Variants in SPATA17 observed in about 807,000 individuals in gnomAD.
SPATA17 encodes the protein spermatogenesis-associated protein 17.
SPATA17 carries 53 observed loss-of-function variants against 62.2 expected under a neutral mutation model. That is an observed-to-expected ratio of 0.85 (90% CI 0.68 to 1.07). The LOEUF (loss-of-function observed/expected upper bound fraction) is 1.07, where lower values mean the gene tolerates loss of function less well. Ranked by LOEUF, SPATA17 falls within the 50% of genes least tolerant of loss-of-function variation. The pLI is 0.00. For missense variants in SPATA17, 466 were observed against 425.5 expected (o/e 1.10, Z -0.84); for synonymous variants, 146 against 146.8 (o/e 0.99, Z 0.04).
intron 3 of SPATA17, among the ~76,000 whole-genome samples, chr1:217,668,427 A>T (rs1178899929): frequency 1.3e-5 from 2 of 152,192 alleles, no homozygotes; most frequent in Non-Finnish European, 2.9e-5. Context: ...TTGCTGTAAC[A>T]TGATATCATT....
chr1:217,707,182 T>C (rs1671756787), intron 5 of SPATA17, among the ~76,000 whole-genome samples: 1 of 152,178 alleles, frequency 6.6e-6, no homozygotes, highest in African/African-American at 2.4e-5. Flanking sequence ...TCATTGTTTT[T>C]GTGGCTATTG....
chr1:217,669,225 T>C, intron 4 of SPATA17, 142 bp downstream of exon 4: 1 of 671,758 alleles, frequency 1.5e-6, no homozygotes, highest in South Asian at 2.1e-5. Context: ...GTTAAAAAGT[T>C]AGTTATGCTA....
chr1:217,778,559 A>G (rs1673654670), intron 7 of SPATA17, among the ~76,000 whole-genome samples: 1 of 152,078 alleles, frequency 6.6e-6, no homozygotes, highest in South Asian at 2.1e-4. Flanking sequence ...TGCATGCTAT[A>G]TTCATTTGTA....
At chr1:217,824,110 A>G (rs1299484151) in intron 9 of SPATA17, among the ~76,000 whole-genome samples, 3 of 151,970 alleles carry the variant, frequency 2.0e-5, no homozygotes, top group Admixed American at 1.3e-4. Context: ...TAATCCATTT[A>G]CAGTCAAGGT....
Position 217,668,967 on chromosome 1 carries a change from G to A in SPATA17, c.241-66G>A, listed in dbSNP as rs570582591. On this transcript the variant is annotated intron_variant, in intron 3 of 10. Transcript: ENST00000366933. Reference sequence around the variant, plus strand: ...GTATAAAGATTCTTATCTTTTATATGTAAAAATAGGCTGCACTGTCTTTGT... The same window carrying A: ...GTATAAAGATTCTTATCTTTTATATATAAAAATAGGCTGCACTGTCTTTGT... The A allele has an allele frequency of 3.5e-4, 471 of 1,330,356 alleles. 2 individuals are homozygous for A. In the African/African-American group the frequency reaches 4.9e-3, roughly 14 times the overall value. 82.4% of individuals were successfully genotyped at this position (1,330,356 alleles called of 1,614,324 possible).
intron 1 of SPATA17, among the ~76,000 whole-genome samples, chr1:217,645,321 T>A (rs1315754265): frequency 6.6e-6 from 1 of 152,166 alleles, no homozygotes; most frequent in Non-Finnish European, 1.5e-5. Flanking sequence ...TTAATTTGAT[T>A]GCTTCTCTTC....
At chr1:217,828,473 C>G (rs564325456) in intron 9 of SPATA17, among the ~76,000 whole-genome samples, 1 of 150,526 alleles carries the variant, frequency 6.6e-6, no homozygotes, top group African/African-American at 2.4e-5. Flanking sequence ...TATACAAATC[C>G]TAGAAGAGGA....
At chr1:217,747,281 A>G (rs1672782737) in intron 6 of SPATA17, among the ~76,000 whole-genome samples, 1 of 152,134 alleles carries the variant, frequency 6.6e-6, no homozygotes, top group African/African-American at 2.4e-5. Context: ...AGAAAATCTC[A>G]TTTGCAGATT....
At chr1:217,710,886 A>C (rs1671846378) in intron 5 of SPATA17, among the ~76,000 whole-genome samples, 1 of 152,116 alleles carries the variant, frequency 6.6e-6, no homozygotes, top group Admixed American at 6.5e-5. Flanking sequence ...TGGCTCTATA[A>C]ATTTGCTCAG....
intron 4 of SPATA17, among the ~76,000 whole-genome samples, chr1:217,676,807 C>T (rs1201014921): frequency 1.3e-5 from 2 of 151,980 alleles, no homozygotes; most frequent in Non-Finnish European, 2.9e-5. Context: ...AATTCTGTCA[C>T]AGGTTTTTAT....
At chr1:217,703,758 C>T (rs1671658862) in intron 5 of SPATA17, among the ~76,000 whole-genome samples, 1 of 152,130 alleles carries the variant, frequency 6.6e-6, no homozygotes, top group Non-Finnish European at 1.5e-5. Context: ...GTTTGTTTTT[C>T]AACAGCTCCT....
At chr1:217,851,243 G>C (rs981832709) in intron 9 of SPATA17, among the ~76,000 whole-genome samples, 5 of 151,930 alleles carry the variant, frequency 3.3e-5, no homozygotes. Flanking sequence ...ACCATTCAAT[G>C]ACAGTTATTG....
chr1:217,846,361 ATAAAG>A (rs545099929), intron 9 of SPATA17, among the ~76,000 whole-genome samples: 2 of 152,122 alleles, frequency 1.3e-5, no homozygotes, highest in East Asian at 1.9e-4. Context: ...TATGTTCATG[ATAAAG>A]TAGAGTTTCA....
intron 5 of SPATA17, among the ~76,000 whole-genome samples, 165 bp downstream of exon 5, chr1:217,683,526 C>T (rs1187206913): frequency 6.6e-6 from 1 of 152,130 alleles, no homozygotes; most frequent in East Asian, 1.9e-4. Flanking sequence ...GCAATCTCCT[C>T]CTCTTGGGTT....
At chr1:217,728,083 A>G (rs1571762345) in intron 5 of SPATA17, among the ~76,000 whole-genome samples, 1 of 152,170 alleles carries the variant, frequency 6.6e-6, no homozygotes, top group Admixed American at 6.5e-5. Flanking sequence ...TGTAAATTCA[A>G]CTTATAAGAA....
intron 9 of SPATA17, among the ~76,000 whole-genome samples, chr1:217,835,100 C>T (rs572206137): frequency 1.3e-5 from 2 of 152,186 alleles, no homozygotes; most frequent in African/African-American, 4.8e-5. Context: ...AAAGTGTACT[C>T]TATGATGTTC....
intron 8 of SPATA17, among the ~76,000 whole-genome samples, chr1:217,792,955 A>G (rs72728859): frequency 0.019 from 2,874 of 152,302 alleles, 43 homozygotes; most frequent in Middle Eastern, 0.034. Flanking sequence ...ATTTGATAGC[A>G]TGGAGGATTT....
intron 7 of SPATA17, among the ~76,000 whole-genome samples, chr1:217,780,335 A>G (rs981605017): frequency 1.2e-4 from 14 of 112,114 alleles, no homozygotes; most frequent in Admixed American, 3.2e-4. Flanking sequence ...TGTCTGAGGT[A>G]TAAATGTATG....
chr1:217,871,363 CTTTAA>C lies in SPATA17; in HGVS notation c.*4349_*4353del, dbSNP rs1433850331. 1 of 151,982 alleles carries C rather than the reference CTTTAA, an allele frequency of 6.6e-6. No homozygotes were observed. Among genetic ancestry groups the C allele is most frequent in the African/African-American group, 2.4e-5 (1 of 41,370 alleles). 9.4% of individuals were successfully genotyped at this position (151,982 alleles called of 1,614,324 possible). A position where few individuals can be genotyped will look rare whatever the true frequency, so the allele number is the denominator to read the frequency against. ...TATCCATTTTCTGTGCTAAATTCAT[CTTTAA>C]TTTATTATTTTTTTTCAACCTCAGC... On this transcript the variant is annotated 3_prime_UTR_variant, in exon 11 of 11. Transcript: ENST00000366933.
Sources: gnomAD v4.1 joint callset for allele counts (sites outside exome capture counted in the v4.1 genomes callset) on GRCh38, gnomAD v4.1.1 for gene constraint, MANE v1.5 for transcripts, NCBI Gene and HGNC (gene_info 2026-07-23, HGNC 2026-07-21) for gene names.